MREG: variants seen among roughly 807,000 people sequenced by gnomAD.
The protein encoded by MREG is melanoregulin.
In MREG, 31 loss-of-function variants were observed where a neutral mutation model predicts 28.5. The ratio of observed to expected loss-of-function variants is 1.09; its 90% CI spans 0.82 to 1.47. The LOEUF is 1.47. Ranked by LOEUF, MREG falls within the 40% of genes most tolerant of loss-of-function variation. MREG has a pLI of 0.00. For synonymous variants in MREG, 106 were observed against 95.2 expected, an observed-to-expected ratio of 1.11 and a Z score of -0.66; for missense variants, 256 against 257.4, an observed-to-expected ratio of 0.99 and a Z score of 0.04.
intron 1 of MREG, among the ~76,000 whole-genome samples, chr2:216,009,955 A>C (rs940230597): frequency 6.6e-6 from 1 of 152,178 alleles, no homozygotes; most frequent in Non-Finnish European, 1.5e-5. Flanking sequence ...GTACTCTGTA[A>C]TGGGCTGAAT....
rs1351013731 is a variant in MREG, at chr2:216,030,954, T to TCA, written c.-68+1834_-68+1835insTG. ...CTCTCTCTCTCTCTCTCTCTCTCTC[T>TCA]CTCACACACACACACACACACACAC... On this transcript the variant is annotated intron_variant, in intron 1 of 3. Transcript: ENST00000420348. Among the ~76,000 whole-genome samples, 380 of 109,448 alleles carry TCA rather than the reference T, an allele frequency of 3.5e-3. 1 individual carries two copies. Among genetic ancestry groups the TCA allele is most frequent in the Non-Finnish European group, 5.3e-3 (294 of 54,994 alleles). The allele number at this position is 109,448 out of a possible 152,430, so 71.8% of individuals were successfully genotyped here.
chr2:215,967,771 C>G (rs1027135939), intron 2 of MREG, among the ~76,000 whole-genome samples: 1 of 152,094 alleles, frequency 6.6e-6, no homozygotes, highest in Non-Finnish European at 1.5e-5. Flanking sequence ...CTCATGGGCA[C>G]GACTGTGTTC....
At chr2:215,994,258 T>G (rs1693799277) in intron 2 of MREG, among the ~76,000 whole-genome samples, 1 of 151,906 alleles carries the variant, frequency 6.6e-6, no homozygotes, top group African/African-American at 2.4e-5. Context: ...TCATGTCCTT[T>G]GCAGGGACAT....
intron 2 of MREG, among the ~76,000 whole-genome samples, chr2:215,981,537 A>C (rs951937101): frequency 1.3e-5 from 2 of 152,216 alleles, no homozygotes; most frequent in Admixed American, 1.3e-4. Flanking sequence ...TAGTTTGAGA[A>C]GATAAAAAAG....
intron 2 of MREG, among the ~76,000 whole-genome samples, chr2:215,993,116 A>G (rs1345287850): frequency 6.6e-6 from 1 of 152,238 alleles, no homozygotes; most frequent in Non-Finnish European, 1.5e-5. Flanking sequence ...AGACAATCCT[A>G]GGCAAAAAGA....
intron 2 of MREG, among the ~76,000 whole-genome samples, chr2:215,970,489 T>G (rs1469484827): frequency 6.6e-6 from 1 of 152,218 alleles, no homozygotes; most frequent in East Asian, 1.9e-4. Flanking sequence ...AACAGAGCCA[T>G]CCATGAAATA....
chr2:216,012,420 AAAAG>A (rs1694337999), intron 1 of MREG, among the ~76,000 whole-genome samples: 2 of 152,246 alleles, frequency 1.3e-5, no homozygotes, highest in Non-Finnish European at 2.9e-5. Flanking sequence ...TTCATACTTC[AAAAG>A]AAAGAAACCC....
At chr2:216,007,746 T>C (rs1363874152) in intron 1 of MREG, among the ~76,000 whole-genome samples, 1 of 150,654 alleles carries the variant, frequency 6.6e-6, no homozygotes, top group Non-Finnish European at 1.5e-5. Context: ...TAGCGGCTTT[T>C]TTTTTGCATT....
chr2:215,954,185 A>G (rs1336334292), intron 2 of MREG, among the ~76,000 whole-genome samples: 1 of 152,208 alleles, frequency 6.6e-6, no homozygotes, highest in Non-Finnish European at 1.5e-5. Context: ...CCAAAGATCC[A>G]AGCAAGAAGT....
intron 2 of MREG, among the ~76,000 whole-genome samples, chr2:215,979,290 C>T (rs1302492700): frequency 6.6e-5 from 10 of 151,778 alleles, no homozygotes; most frequent in Admixed American, 6.6e-4. Flanking sequence ...ATGGAGAAAC[C>T]CCATCTCTAC....
At chr2:215,965,474 G>A (rs1370003565) in intron 2 of MREG, among the ~76,000 whole-genome samples, 1 of 152,128 alleles carries the variant, frequency 6.6e-6, no homozygotes, top group Non-Finnish European at 1.5e-5. Flanking sequence ...GATAGGCAGG[G>A]GATACAGAGG....
intron 2 of MREG, among the ~76,000 whole-genome samples, chr2:215,984,212 A>T (rs1442862320): frequency 6.6e-6 from 1 of 152,162 alleles, no homozygotes; most frequent in African/African-American, 2.4e-5. Flanking sequence ...ACACTTATTC[A>T]CTATCAAGAG....
At chr2:216,025,740 CCAG>C (rs1368348913) in intron 1 of MREG, among the ~76,000 whole-genome samples, 3 of 152,242 alleles carry the variant, frequency 2.0e-5, no homozygotes, top group Non-Finnish European at 4.4e-5. Context: ...GGCAACACTT[CCAG>C]CAGCTCCTTC....
intron 1 of MREG, among the ~76,000 whole-genome samples, chr2:216,004,358 C>T (rs891766482): frequency 3.9e-5 from 6 of 152,112 alleles, no homozygotes; most frequent in African/African-American, 7.2e-5. Flanking sequence ...CCAACACTAC[C>T]GCCACCACCA....
chr2:215,992,598 C>T (rs1168496453), intron 2 of MREG, among the ~76,000 whole-genome samples: 1 of 152,090 alleles, frequency 6.6e-6, no homozygotes, highest in African/African-American at 2.4e-5. Context: ...TAAAGGTATT[C>T]AAATAGGAAG....
chr2:215,972,056 G>A (rs1693113874), intron 2 of MREG, among the ~76,000 whole-genome samples: 1 of 152,060 alleles, frequency 6.6e-6, no homozygotes, highest in South Asian at 2.1e-4. Flanking sequence ...TTCAGTCCTT[G>A]GGCTCCACAA....
upstream of MREG, among the ~76,000 whole-genome samples, chr2:216,015,126 T>TGCGCGC: frequency 6.6e-6 from 1 of 151,972 alleles, no homozygotes; most frequent in Non-Finnish European, 1.5e-5. Flanking sequence ...CACGCGTGTG[T>TGCGCGC]GTGCGCGCGT....
At chr2:216,029,252 G>C (rs1407950561) in intron 1 of MREG, among the ~76,000 whole-genome samples, 1 of 152,206 alleles carries the variant, frequency 6.6e-6, no homozygotes, top group Non-Finnish European at 1.5e-5. Flanking sequence ...GGCTGAGGCA[G>C]GCAGATCACG....
intron 2 of MREG, among the ~76,000 whole-genome samples, chr2:215,948,087 AT>A (rs1411187791): frequency 6.6e-6 from 1 of 152,204 alleles, no homozygotes; most frequent in African/African-American, 2.4e-5. Flanking sequence ...CTCAAGTTAT[AT>A]GATATTTTGA....
Sources: allele counts gnomAD v4.1 joint callset (sites outside exome capture counted in the v4.1 genomes callset), GRCh38; gene constraint gnomAD v4.1.1; transcripts MANE v1.5; gene names NCBI Gene and HGNC (gene_info 2026-07-23, HGNC 2026-07-21).